SYNPR: variants seen among roughly 807,000 people sequenced by gnomAD.
SYNPR encodes the protein synaptoporin.
A neutral mutation model predicts 32.9 loss-of-function variants in SYNPR; 23 were observed. The observed-to-expected ratio is 0.70, with a 90% CI of 0.50 to 0.99. The LOEUF (loss-of-function observed/expected upper bound fraction) is 0.99. SYNPR is among the 50% of genes least tolerant of loss of function. The probability of loss-of-function intolerance (pLI) is 0.00; values close to 1 mark genes in which losing one functional copy is unlikely to be tolerated. For synonymous variants in SYNPR, 146 were observed against 135.9 expected (o/e 1.07, Z -0.52); for missense variants, 318 against 349.3 (o/e 0.91, Z 0.71).
chr3:63,372,279 C>G (rs1202423080), intron 2 of SYNPR, among the ~76,000 whole-genome samples: 4 of 152,146 alleles, frequency 2.6e-5, no homozygotes, highest in Admixed American at 2.0e-4. Context: ...CTGCTTCTCA[C>G]CAAGTGAAGG....
intron 2 of SYNPR, among the ~76,000 whole-genome samples, chr3:63,399,373 C>CT (rs1158877731): frequency 1.3e-5 from 2 of 152,104 alleles, no homozygotes; most frequent in Admixed American, 6.5e-5. Context: ...GTTGATTGCA[C>CT]TTTTTTGCAG....
chr3:63,541,499 A>G (rs1246950204), intron 3 of SYNPR, among the ~76,000 whole-genome samples: 1 of 152,126 alleles, frequency 6.6e-6, no homozygotes, highest in Non-Finnish European at 1.5e-5. Flanking sequence ...CATCAGACCC[A>G]CTGAATAGTA....
chr3:63,525,106 G>A, intron 3 of SYNPR, among the ~76,000 whole-genome samples: 1 of 152,108 alleles, frequency 6.6e-6, no homozygotes, highest in South Asian at 2.1e-4. Flanking sequence ...GCCAAAAATA[G>A]TGCCTTCTCA....
chr3:63,408,380 G>GAAAGAAAGA (rs1560221346), intron 2 of SYNPR, among the ~76,000 whole-genome samples: 25 of 148,486 alleles, frequency 1.7e-4, no homozygotes, highest in African/African-American at 5.8e-4. Flanking sequence ...AAGAAAGAAA[G>GAAAGAAAGA]AAAAGGAAGG....
intron 2 of SYNPR, among the ~76,000 whole-genome samples, chr3:63,262,382 G>A (rs2086446623): frequency 2.6e-5 from 4 of 152,178 alleles, no homozygotes; most frequent in Non-Finnish European, 5.9e-5. Flanking sequence ...GAGGCCCAAT[G>A]TGCTTGGGAG....
chr3:63,242,103 C>A (rs1050447913), intron 1 of SYNPR, among the ~76,000 whole-genome samples: 2 of 152,000 alleles, frequency 1.3e-5, no homozygotes, highest in African/African-American at 4.8e-5. Flanking sequence ...TAATTAGAAT[C>A]TGAATGCATA....
chr3:63,226,777 G>T (rs1305078959), upstream of SYNPR, among the ~76,000 whole-genome samples: 1 of 152,064 alleles, frequency 6.6e-6, no homozygotes. Context: ...GAAGAAATAA[G>T]CTCTAAAGTT....
intron 2 of SYNPR, among the ~76,000 whole-genome samples, chr3:63,306,271 G>C (rs891866305): frequency 2.6e-5 from 4 of 151,942 alleles, no homozygotes; most frequent in Admixed American, 1.3e-4. Flanking sequence ...CAGCCCACAG[G>C]AACAAAGCCT....
chr3:63,276,085 A>G (rs2086572294), upstream of SYNPR, among the ~76,000 whole-genome samples: 1 of 151,750 alleles, frequency 6.6e-6, no homozygotes, highest in African/African-American at 2.4e-5. Flanking sequence ...TGCCTATGTC[A>G]TCCTTACACT....
intron 2 of SYNPR, among the ~76,000 whole-genome samples, chr3:63,473,143 T>C (rs1044779120): frequency 2.0e-5 from 3 of 152,192 alleles, no homozygotes; most frequent in African/African-American, 7.2e-5. Flanking sequence ...TACTCCTCTC[T>C]GCCTAAAACA....
At chr3:63,480,659 T>C (rs532563045) in intron 2 of SYNPR, among the ~76,000 whole-genome samples, 173 bp from the exon 3 acceptor site, 1 of 152,246 alleles carries the variant, frequency 6.6e-6, no homozygotes, top group Admixed American at 6.5e-5. Context: ...AGACACCATG[T>C]CCCCAGTCCT....
chr3:63,214,339 G>GGA, the SYNPR span, among the ~76,000 whole-genome samples: 1 of 39,592 alleles, frequency 2.5e-5, no homozygotes, highest in African/African-American at 8.5e-5. Context: ...ATCTGGTTCT[G>GGA]GACTCTTTTT....
At chr3:63,486,664 A>AGTG (rs1701160934) in intron 3 of SYNPR, among the ~76,000 whole-genome samples, 1 of 152,186 alleles carries the variant, frequency 6.6e-6, no homozygotes, top group Non-Finnish European at 1.5e-5. Context: ...AGATTGATCA[A>AGTG]CTGCTTGATT....
At chr3:63,267,269 C>A (rs2086498120) in intron 2 of SYNPR, 1 of 152,166 alleles carries the variant, frequency 6.6e-6, no homozygotes, top group African/African-American at 2.4e-5. Context: ...GTTTTTCCCA[C>A]CAACCACCAT....
chr3:63,341,341 A>G (rs1340085650), intron 2 of SYNPR, among the ~76,000 whole-genome samples: 4 of 151,996 alleles, frequency 2.6e-5, no homozygotes, highest in African/African-American at 7.2e-5. Context: ...CTGTGTGGAC[A>G]TAGTTTTCAA....
chr3:63,386,221 A>G (rs927753698), intron 2 of SYNPR, among the ~76,000 whole-genome samples: 1 of 152,362 alleles, frequency 6.6e-6, no homozygotes, highest in East Asian at 1.9e-4. Context: ...ATGGAGGCAC[A>G]GAGAATGCAC....
At chr3:63,550,226 T>C (rs1365120727) in intron 3 of SYNPR, among the ~76,000 whole-genome samples, 1 of 150,952 alleles carries the variant, frequency 6.6e-6, no homozygotes. Flanking sequence ...AGAACTTATA[T>C]ATAATATATA....
rs558623239 is a variant in SYNPR at position 63,388,129 on chromosome 3, T to G, written c.85-92703T>G. 1.1e-3 allele frequency among the ~76,000 whole-genome samples: 173 copies of G among 152,220 alleles called. 1 individual carries two copies. The highest frequency in any genetic ancestry group is 4.1e-3 in the African/African-American group (169 of 41,546). ...AACTTGGGTACCCATTATCAGTTAC[T>G]GAATGTGGGTTGTCCGAGGAAGAGT... is the stretch of plus-strand genomic sequence containing the variant. On this transcript the variant is annotated intron_variant, in intron 2 of 5. Transcript: ENST00000478300.
intron 4 of SYNPR, among the ~76,000 whole-genome samples, chr3:63,567,117 G>A (rs985428404): frequency 6.6e-6 from 1 of 152,120 alleles, no homozygotes; most frequent in Non-Finnish European, 1.5e-5. Flanking sequence ...ATAGACAAAT[G>A]CAATCAGCCC....
Sources: allele counts gnomAD v4.1 joint callset (sites outside exome capture counted in the v4.1 genomes callset), GRCh38; gene constraint gnomAD v4.1.1; transcripts MANE v1.5; gene names NCBI Gene and HGNC (gene_info 2026-07-23, HGNC 2026-07-21).